IDO2: variants seen among roughly 807,000 people sequenced by gnomAD.
The protein encoded by IDO2 is indoleamine 2,3-dioxygenase 2.
In IDO2, 46 loss-of-function variants were observed where a neutral mutation model predicts 45.1. That is an observed-to-expected ratio of 1.02 (90% CI 0.80 to 1.30). IDO2 has a LOEUF of 1.30. IDO2 is among the 50% of genes most tolerant of loss of function. The pLI is 0.00. For synonymous variants in IDO2, 218 were observed against 184.9 expected (o/e 1.18, Z -1.45); for missense variants, 544 against 491.8 (o/e 1.11, Z -1.00).
chr8:39,994,824 G>C (rs1563437960), intron 8 of IDO2, among the ~76,000 whole-genome samples: 1 of 151,922 alleles, frequency 6.6e-6, no homozygotes, highest in East Asian at 1.9e-4. Flanking sequence ...AAAACCTTCA[G>C]ATTAATTAAC....
In IDO2 at chr8:39,966,569, A is replaced by G. The variant is rs376360328; in HGVS notation, c.195+2866A>G. Among the ~76,000 whole-genome samples, 7 of 152,344 alleles carry G rather than the reference A, an allele frequency of 4.6e-5. No homozygotes were observed. The East Asian group carries it at 1.3e-3, about 29-fold the overall frequency. On this transcript the variant is annotated intron_variant, in intron 3 of 10. Transcript: ENST00000502986. ...TCCTTTACTTGCTACAGACAACACAATAAGTGAATTTACAGCTTTGATCTT... is the reference window on the plus strand; with the variant it reads ...TCCTTTACTTGCTACAGACAACACAGTAAGTGAATTTACAGCTTTGATCTT...
chr8:39,954,112 G>T (rs561496800), intron 2 of IDO2, among the ~76,000 whole-genome samples: 18 of 152,198 alleles, frequency 1.2e-4, no homozygotes, highest in African/African-American at 4.1e-4. Context: ...ATGCCTAAGG[G>T]CATTTAGGAA....
intron 3 of IDO2, among the ~76,000 whole-genome samples, chr8:39,970,210 G>A (rs1808157930): frequency 6.6e-6 from 1 of 152,182 alleles, no homozygotes; most frequent in Non-Finnish European, 1.5e-5. Context: ...AGAAGCTGTA[G>A]TAAAAAAGTT....
chr8:40,004,567 A>ATAGATAGATAGATGAT (rs55986019), intron 8 of IDO2, among the ~76,000 whole-genome samples: 1 of 106,998 alleles, frequency 9.3e-6, no homozygotes, highest in South Asian at 3.6e-4. Context: ...AGATAGATAG[A>ATAGATAGATAGATGAT]CGATAGATAG....
At chr8:39,961,568 C>T (rs2543044) in intron 2 of IDO2, among the ~76,000 whole-genome samples, 55,307 of 151,786 alleles carry the variant, frequency 0.36, 10,572 homozygotes, top group East Asian at 0.58. Flanking sequence ...GTGATCCGCC[C>T]TCCTCGGCCT....
chr8:40,015,194 T>G, intron 10 of IDO2, 53 bp from the exon 11 acceptor site: 6 of 1,042,690 alleles, frequency 5.8e-6, no homozygotes, highest in Non-Finnish European at 8.6e-6. Flanking sequence ...GCAGACGAGC[T>G]CTGCTATATT....
intron 2 of IDO2, 49 bp downstream of exon 2, chr8:39,949,313 TGTTG>T (rs770980482): frequency 1.4e-6 from 2 of 1,420,892 alleles, no homozygotes; most frequent in South Asian, 2.6e-5. Flanking sequence ...TTTCTTGAGA[TGTTG>T]GTTGGTTTGT....
At chr8:39,955,570 T>C (rs575166501) in intron 2 of IDO2, among the ~76,000 whole-genome samples, 3 of 152,006 alleles carry the variant, frequency 2.0e-5, no homozygotes, top group Non-Finnish European at 4.4e-5. Context: ...GACTGAGCTC[T>C]CATGCCAGGT....
intron 3 of IDO2, among the ~76,000 whole-genome samples, chr8:39,967,960 ATT>A (rs1808116017): frequency 6.6e-6 from 1 of 152,084 alleles, no homozygotes; most frequent in South Asian, 2.1e-4. Context: ...TGAAACATAG[ATT>A]TACCATGCAA....
exon 11 of IDO2, chr8:40,015,580 C>T (rs753866882): frequency 1.4e-5 from 23 of 1,612,286 alleles, no homozygotes; most frequent in Non-Finnish European, 1.9e-5. Flanking sequence ...ACCTTGGAGT[C>T]AATCCTTCAC....
chr8:40,005,915 C>T (rs1802213796), intron 9 of IDO2, among the ~76,000 whole-genome samples: 1 of 152,142 alleles, frequency 6.6e-6, no homozygotes, highest in African/African-American at 2.4e-5. Context: ...AAGACAATCC[C>T]CTGAGTGGAA....
At chr8:40,015,116 C>G (rs1757166502) in intron 10 of IDO2, 131 bp from the exon 11 acceptor site, 1 of 608,082 alleles carries the variant, frequency 1.6e-6, no homozygotes, top group African/African-American at 1.9e-5. Context: ...GATCACACCA[C>G]TGCACTCCAG....
chr8:40,015,260 C>A lies in IDO2; in HGVS notation c.882C>A (p.Tyr294Ter), dbSNP rs779333801. The change falls in exon 11 of 11, where the codon TAC (tyrosine) becomes TAA (stop). Residue 294 changes from tyrosine (Y) to a stop codon, truncating the protein, a stop_gained. Coordinates refer to ENST00000502986, the Ensembl canonical transcript of IDO2. LOFTEE classifies it high-confidence loss of function. ...TGTTTCTTTCAGGTGACTTTCTGTA[C>A]AGAATGAGGGATTACATGCCTCCTT... 1.2e-6 allele frequency: 2 copies of A among 1,601,360 alleles called. No homozygotes were observed. Among genetic ancestry groups the A allele is most frequent in the South Asian group, 1.1e-5 (1 of 90,078 alleles).
chr8:39,961,244 A>G (rs1807992564), intron 2 of IDO2, among the ~76,000 whole-genome samples: 1 of 148,568 alleles, frequency 6.7e-6, no homozygotes, highest in Middle Eastern at 3.3e-3. Flanking sequence ...ATTCCCTCAC[A>G]TGGCTTTATA....
rs543199797 is a variant in IDO2 at position 39,961,485 on chromosome 8, C to T, written c.100-2123C>T. 7.2e-5 allele frequency among the ~76,000 whole-genome samples: 11 copies of T among 151,964 alleles called. No individual in the cohort carries two copies. The South Asian group carries it at 1.7e-3, about 23-fold the overall frequency. On this transcript the variant is annotated intron_variant, in intron 2 of 10. Transcript: ENST00000502986. ...TTACAGGCATGTGCCAACACGCCTG[C>T]CTAATTTTTTATTTTTAGTAGAGAC...
chr8:39,988,107 G>C lies in IDO2; in HGVS notation c.549+137G>C, dbSNP rs1032630897. 5.2e-5 allele frequency: 30 copies of C among 573,746 alleles called. No homozygotes were observed. In the African/African-American group the frequency reaches 5.4e-4, roughly 10 times the overall value. The allele number at this position is 573,746 out of a possible 1,614,324, so 35.5% of individuals were successfully genotyped here. A position where few individuals can be genotyped will look rare whatever the true frequency, so the allele number is the denominator to read the frequency against. Reference sequence around the variant, plus strand: ...CCTGCTTAGTTCAAGTCTGAGAGAAGAGATCTAAGCTCTAGGCCACCATAT... The same window carrying C: ...CCTGCTTAGTTCAAGTCTGAGAGAACAGATCTAAGCTCTAGGCCACCATAT... On this transcript the variant is annotated intron_variant, in intron 7 of 10. Transcript: ENST00000502986.
At chr8:39,955,104 G>C (rs1435712383) in intron 2 of IDO2, among the ~76,000 whole-genome samples, 1 of 150,504 alleles carries the variant, frequency 6.6e-6, no homozygotes, top group Non-Finnish European at 1.5e-5. Context: ...TAGGGCTAGG[G>C]CTTCAGCATA....
chr8:39,953,128 T>C (rs1563425946), intron 2 of IDO2, among the ~76,000 whole-genome samples: 1 of 151,698 alleles, frequency 6.6e-6, no homozygotes, highest in Non-Finnish European at 1.5e-5. Context: ...GGTCTTGAAC[T>C]CCTGACCTCG....
intron 1 of IDO2, among the ~76,000 whole-genome samples, chr8:39,938,086 T>C (rs1337318987): frequency 1.3e-5 from 2 of 152,240 alleles, no homozygotes; most frequent in Non-Finnish European, 1.5e-5. Context: ...AAAATTTAAA[T>C]AATTCATATT....
Sources: allele counts gnomAD v4.1 joint callset (sites outside exome capture counted in the v4.1 genomes callset), GRCh38; gene constraint gnomAD v4.1.1; transcripts MANE v1.5; gene names NCBI Gene and HGNC (gene_info 2026-07-23, HGNC 2026-07-21).